DLG5: variants seen among roughly 807,000 people sequenced by gnomAD.
DLG5 encodes the protein disks large homolog 5.
DLG5 carries 48 observed loss-of-function variants against 189.8 expected under a neutral mutation model. The observed-to-expected ratio is 0.25, with a 90% CI of 0.20 to 0.32. DLG5 has a LOEUF of 0.32. Ranked by LOEUF, DLG5 falls within the 10% of genes least tolerant of loss-of-function variation. The pLI is 1.00. For synonymous variants in DLG5, 1,016 were observed against 1,054.1 expected (o/e 0.96, Z 0.70); for missense variants, 2,160 against 2,544.7 (o/e 0.85, Z 3.25).
chr10:77,887,473 CTTTCT>C (rs896958845), intron 1 of DLG5, among the ~76,000 whole-genome samples: 3 of 152,042 alleles, frequency 2.0e-5, no homozygotes, highest in East Asian at 1.9e-4. Flanking sequence ...GAAACTTTTT[CTTTCT>C]TTTATTTTTT....
chr10:77,807,212 T>TA (rs1412895044), intron 25 of DLG5, among the ~76,000 whole-genome samples: 1 of 152,076 alleles, frequency 6.6e-6, no homozygotes, highest in Non-Finnish European at 1.5e-5. Context: ...CTTTCCCAGT[T>TA]GCCTCCCTCC....
At chr10:77,873,170 G>A (rs551373899) in intron 1 of DLG5, among the ~76,000 whole-genome samples, 7 of 152,076 alleles carry the variant, frequency 4.6e-5, no homozygotes, top group Non-Finnish European at 7.4e-5. Context: ...GGAGCTTGAG[G>A]CCAAGTTTAG....
Position 77,926,664 on chromosome 10 carries a change from G to T in DLG5, c.-144C>A. ...GAGCCATGGGCCGGGGCCTGGGCGG[G>T]CTGGGGGCCCGGGGCGGCGGGCGGC... is the stretch of plus-strand genomic sequence containing the variant. On this transcript the variant is annotated 5_prime_UTR_variant, in exon 1 of 32. Coordinates refer to ENST00000372391, the MANE Select transcript of DLG5 (RefSeq NM_004747.4). The surrounding 1 kb of genome is among the most constrained non-coding windows in gnomAD (Gnocchi z 5.2). 2.0e-6 allele frequency: 1 copy of T among 488,200 alleles called. No homozygotes were observed. Among genetic ancestry groups the T allele is most frequent in the Non-Finnish European group, 2.7e-6 (1 of 374,900 alleles). The allele number at this position is 488,200 out of a possible 1,614,324, so 30.2% of individuals were successfully genotyped here. A position where few individuals can be genotyped will look rare whatever the true frequency, so the allele number is the denominator to read the frequency against.
chr10:77,884,125 A>G (rs553881892), intron 1 of DLG5, among the ~76,000 whole-genome samples: 2 of 152,306 alleles, frequency 1.3e-5, no homozygotes, highest in Admixed American at 6.5e-5. Context: ...GGGTAGGAGG[A>G]GCAAGAGAAT....
Position 77,821,615 on chromosome 10 carries a change from C to T in DLG5, c.2869G>A (p.Val957Met), listed in dbSNP as rs1406220689. Residue 957 changes from valine to methionine, a missense_variant, in exon 15 of 32, where the codon GTG becomes ATG. Val to Met is a conservative substitution (Grantham distance 21, BLOSUM62 1). Around this residue, in one of 5 missense-constraint regions of DLG5, gnomAD observed 754 missense variants for 746.5 expected, o/e 1.01. Transcript: ENST00000372391. ...WPKAMLSSTA[V>M]PEKLSVYKKP... The stretch of plus-strand genomic sequence containing the variant: ...TTATAAACAGAGAGCTTCTCAGGCA[C>T]TGCCGTGGAGCTGAGCATGGCCTTG... The T allele has an allele frequency of 6.2e-7, 1 of 1,613,180 alleles. No individual in the cohort carries two copies. Among genetic ancestry groups the T allele is most frequent in the East Asian group, 2.2e-5 (1 of 44,878 alleles).
intron 1 of DLG5, among the ~76,000 whole-genome samples, chr10:77,925,085 TA>T (rs1176125205): frequency 2.0e-5 from 3 of 152,210 alleles, no homozygotes; most frequent in Non-Finnish European, 4.4e-5. Context: ...GATTCACTGT[TA>T]AAACAGGGAC....
chr10:77,892,536 C>T (rs1453017746), intron 1 of DLG5, among the ~76,000 whole-genome samples: 3 of 152,156 alleles, frequency 2.0e-5, no homozygotes, highest in Non-Finnish European at 4.4e-5. Flanking sequence ...GTCCAGTGCC[C>T]CATTTGACAG....
intron 1 of DLG5, among the ~76,000 whole-genome samples, chr10:77,914,115 G>C (rs1220053830): frequency 2.1e-5 from 3 of 142,466 alleles, no homozygotes; most frequent in Non-Finnish European, 3.1e-5. Flanking sequence ...AGCTCTTCAA[G>C]GTCCTTTTGG....
chr10:77,883,644 G>A (rs1043241498), intron 1 of DLG5, among the ~76,000 whole-genome samples: 2 of 151,184 alleles, frequency 1.3e-5, no homozygotes, highest in Non-Finnish European at 2.9e-5. Context: ...AGAGGAGAGG[G>A]CTGGATCTAT....
Position 77,842,120 on chromosome 10 carries a change from G to T in DLG5, c.1198C>A (p.Leu400Met). 1 of 1,612,472 alleles carries T rather than the reference G, an allele frequency of 6.2e-7. No individual in the cohort carries two copies. The change falls in exon 7 of 32, where the codon CTG becomes ATG. Residue 400 changes from leucine to methionine, a missense_variant. Around this residue, in one of 5 missense-constraint regions of DLG5, gnomAD observed 664 missense variants for 838.5 expected, o/e 0.79. Coordinates refer to ENST00000372391, the MANE Select transcript of DLG5 (RefSeq NM_004747.4). ...NKDLQWEMEL[L>M]QSELTELRTT... ...CTCAGCTCGGTCAGCTCTGACTGCA[G>T]CAGCTCCATCTCCCACTGCAGGTCC...
chr10:77,802,078 G>A (rs1359207917), intron 27 of DLG5, among the ~76,000 whole-genome samples: 1 of 152,330 alleles, frequency 6.6e-6, no homozygotes, highest in East Asian at 1.9e-4. Flanking sequence ...ACCAGAAGCT[G>A]GGAGGGGCAA....
At chr10:77,919,206 G>C (rs1271348665) in intron 1 of DLG5, among the ~76,000 whole-genome samples, 1 of 151,718 alleles carries the variant, frequency 6.6e-6, no homozygotes, top group African/African-American at 2.4e-5. Flanking sequence ...ACAGAGCAAG[G>C]CTCCATCTCA....
intron 2 of DLG5, chr10:77,867,774 T>C (rs1415611798): frequency 3.6e-5 from 13 of 361,348 alleles, no homozygotes; most frequent in Non-Finnish European, 6.6e-5. Context: ...ATTTGCATTC[T>C]AAAAGGGGAG....
At chr10:77,846,170 AGGATGC>A (rs909574314) in intron 5 of DLG5, among the ~76,000 whole-genome samples, 31 of 151,972 alleles carry the variant, frequency 2.0e-4, no homozygotes, top group Non-Finnish European at 4.3e-4. Flanking sequence ...GCTTGAACCC[AGGATGC>A]GGAGGTGGCA....
intron 1 of DLG5, among the ~76,000 whole-genome samples, chr10:77,902,760 T>C (rs888650113): frequency 6.6e-6 from 1 of 152,004 alleles, no homozygotes; most frequent in African/African-American, 2.4e-5. Flanking sequence ...CTCGGGAGGC[T>C]GAGGCAGGAG....
chr10:77,808,291 A>G (rs1841579738), intron 24 of DLG5, among the ~76,000 whole-genome samples: 1 of 152,124 alleles, frequency 6.6e-6, no homozygotes, highest in Admixed American at 6.6e-5. Flanking sequence ...TTTCTGAAAC[A>G]GGGTCTCCCT....
At chr10:77,858,173 C>T (rs1170233723) in intron 2 of DLG5, among the ~76,000 whole-genome samples, 1 of 152,178 alleles carries the variant, frequency 6.6e-6, no homozygotes, top group Non-Finnish European at 1.5e-5. Context: ...ACCCCAACCA[C>T]TTGACTCCAG....
chr10:77,805,784 G>C lies in DLG5; in HGVS notation c.5045C>G (p.Ala1682Gly), dbSNP rs772456306. Residue 1682 changes from alanine (A) to glycine (G), a missense_variant, in exon 27 of 32, where the codon GCG becomes GGG. Coordinates refer to ENST00000372391, the MANE Select transcript of DLG5 (RefSeq NM_004747.4). ...DDNSATKTLSAAARRSFFRRK... is the reference protein window; with the variant it reads ...DDNSATKTLSGAARRSFFRRK... ...CCGAAAAAAGGACCGGCGTGCAGCC[G>C]CTGACAGCGTCTTTGTGGCGCTATT... The C allele has an allele frequency of 6.2e-7, 1 of 1,614,184 alleles. No individual in the cohort carries two copies. The highest frequency in any genetic ancestry group is 1.1e-5 in the South Asian group (1 of 91,074).
intron 1 of DLG5, among the ~76,000 whole-genome samples, chr10:77,910,688 T>C (rs538012612): frequency 9.2e-5 from 14 of 152,200 alleles, no homozygotes; most frequent in Non-Finnish European, 1.5e-4. Context: ...TTAAGAAATG[T>C]AGGCCGGGCG....
Sources: allele counts gnomAD v4.1 joint callset (sites outside exome capture counted in the v4.1 genomes callset), GRCh38; gene constraint gnomAD v4.1.1; regional missense constraint gnomAD v4.1.1; non-coding constraint Gnocchi (gnomAD v3.1); transcripts MANE v1.5; gene names NCBI Gene and HGNC (gene_info 2026-07-23, HGNC 2026-07-21).